Variants in AIM2 observed in about 807,000 individuals in gnomAD.
AIM2 encodes the protein absent in melanoma 2, also known as interferon-inducible protein AIM2.
Under a neutral mutation model 27.7 loss-of-function variants are expected in AIM2, and 30 were observed. That is an observed-to-expected ratio of 1.08 (90% CI 0.81 to 1.47). AIM2 has a LOEUF of 1.47. Ranked by LOEUF, AIM2 falls within the 40% of genes most tolerant of loss-of-function variation. The pLI is 0.00. For missense variants in AIM2, 358 were observed against 411.3 expected, an observed-to-expected ratio of 0.87 and a Z score of 1.12; for synonymous variants, 141 against 145.3, an observed-to-expected ratio of 0.97 and a Z score of 0.21.
At chr1:159,105,468 G>A (rs770764557) in intron 1 of AIM2, among the ~76,000 whole-genome samples, 11 of 152,268 alleles carry the variant, frequency 7.2e-5, no homozygotes, top group South Asian at 4.1e-4. Context: ...ACCATTCAGC[G>A]GTCCTGAATT....
intron 1 of AIM2, among the ~76,000 whole-genome samples, chr1:159,112,580 C>T (rs12068892): frequency 0.059 from 8,930 of 152,124 alleles, 841 homozygotes; most frequent in African/African-American, 0.2. Flanking sequence ...TTTGATCTGA[C>T]GGAATACTTA....
intron 2 of AIM2, among the ~76,000 whole-genome samples, chr1:159,072,812 G>A (rs944935411): frequency 1.3e-5 from 2 of 152,156 alleles, no homozygotes; most frequent in Non-Finnish European, 2.9e-5. Flanking sequence ...GAAAAAAGGT[G>A]CTCAATATCC....
intron 1 of AIM2, among the ~76,000 whole-genome samples, chr1:159,109,741 G>T (rs1657526326): frequency 6.6e-6 from 1 of 151,986 alleles, no homozygotes; most frequent in Non-Finnish European, 1.5e-5. Flanking sequence ...CAAAAAGTGG[G>T]ATAAGGATAT....
At chr1:159,074,382 T>C (rs1281746898) in intron 1 of AIM2, among the ~76,000 whole-genome samples, 1 of 152,184 alleles carries the variant, frequency 6.6e-6, no homozygotes, top group East Asian at 1.9e-4. Context: ...GATTCAAAGT[T>C]CATTTATTTT....
chr1:159,114,202 A>G (rs765643952), intron 1 of AIM2, among the ~76,000 whole-genome samples: 21 of 151,774 alleles, frequency 1.4e-4, no homozygotes, highest in Non-Finnish European at 2.8e-4. Flanking sequence ...CACCCCAAAC[A>G]GTATAAGGGA....
chr1:159,124,494 A>G (rs1220106324), intron 1 of AIM2, among the ~76,000 whole-genome samples: 1 of 152,180 alleles, frequency 6.6e-6, no homozygotes, highest in Non-Finnish European at 1.5e-5. Context: ...GTACTCTGTA[A>G]TCTTTACTAT....
At chr1:159,080,823 T>C (rs1002277748), upstream of AIM2, among the ~76,000 whole-genome samples, 7 of 152,166 alleles carry the variant, frequency 4.6e-5, no homozygotes, top group South Asian at 2.1e-4. Flanking sequence ...AAACTTTAAA[T>C]CTTCAGACTC....
chr1:159,073,664 A>G (rs897947329), intron 1 of AIM2, 145 bp from the exon 2 acceptor site: 3 of 766,478 alleles, frequency 3.9e-6, no homozygotes, highest in Non-Finnish European at 6.1e-6. Context: ...ATAGGTAAGA[A>G]CTTCTTAAGC....
upstream of AIM2, among the ~76,000 whole-genome samples, chr1:159,143,227 A>C (rs1451341754): frequency 2.0e-5 from 3 of 152,170 alleles, no homozygotes; most frequent in Non-Finnish European, 2.9e-5. Flanking sequence ...GAACATAACC[A>C]AGGCAATTCA....
chr1:159,108,126 C>T (rs1242886316), intron 1 of AIM2, among the ~76,000 whole-genome samples: 2 of 152,060 alleles, frequency 1.3e-5, no homozygotes. Context: ...ACCCAATATC[C>T]CCAATGAAAT....
At chr1:159,064,334 C>A (rs1655983212) in intron 4 of AIM2, among the ~76,000 whole-genome samples, 1 of 152,198 alleles carries the variant, frequency 6.6e-6, no homozygotes, top group African/African-American at 2.4e-5. Flanking sequence ...AATTCCCTTC[C>A]TTTAGGAGGA....
At chr1:159,089,097 CT>C (rs1330254212) in intron 1 of AIM2, among the ~76,000 whole-genome samples, 8 of 152,126 alleles carry the variant, frequency 5.3e-5, no homozygotes, top group Non-Finnish European at 1.0e-4. Flanking sequence ...CTTAAGAAAA[CT>C]TGGTTAAGGA....
At chr1:159,058,364 AAAG>A (rs1655721739), downstream of AIM2, among the ~76,000 whole-genome samples, 2 of 151,256 alleles carry the variant, frequency 1.3e-5, no homozygotes, top group African/African-American at 4.9e-5. Context: ...AAAAAAAAAA[AAAG>A]GAGTGGGGGA....
chr1:159,073,256 G>A lies in AIM2; in HGVS notation c.244C>T (p.Gln82Ter), dbSNP rs370997800. 45 of 1,614,048 alleles carry A rather than the reference G, an allele frequency of 2.8e-5. No individual in the cohort carries two copies. The highest frequency in any genetic ancestry group is 3.6e-5 in the Non-Finnish European group (43 of 1,180,030). The change falls in exon 2 of 6, where the codon CAG becomes TAG. Residue 82 changes from glutamine (Q) to a stop codon, truncating the protein, a stop_gained. Coordinates refer to ENST00000368130, the MANE Select transcript of AIM2 (RefSeq NM_004833.3). LOFTEE classifies it high-confidence loss of function. ...ACATTACCTTTCTCCTTCTCCTCCT[G>A]AAGACGTTTTGCCAAAAGCATATAA... ...LNYMLLAKRL[Q>*]EEKEKVDKQY...
intron 1 of AIM2, among the ~76,000 whole-genome samples, chr1:159,073,936 G>A (rs1045176523): frequency 6.6e-6 from 1 of 152,142 alleles, no homozygotes; most frequent in Non-Finnish European, 1.5e-5. Flanking sequence ...CTACTCAGGA[G>A]GCTGAGGCAG....
At chr1:159,061,553 C>T (rs528099388), downstream of AIM2, among the ~76,000 whole-genome samples, 28 of 145,512 alleles carry the variant, frequency 1.9e-4, no homozygotes, top group Non-Finnish European at 3.7e-4. Flanking sequence ...CCACCGTGCC[C>T]GGCTATTTTT....
chr1:159,073,884 C>G (rs1656481404), intron 1 of AIM2, among the ~76,000 whole-genome samples: 1 of 152,050 alleles, frequency 6.6e-6, no homozygotes, highest in South Asian at 2.1e-4. Context: ...ACTAAAAGTA[C>G]AAAAATTAGC....
chr1:159,090,714 T>G (rs978439874), intron 1 of AIM2, among the ~76,000 whole-genome samples: 1 of 152,236 alleles, frequency 6.6e-6, no homozygotes, highest in African/African-American at 2.4e-5. Context: ...TTGTCTAGTC[T>G]CCTGACATGG....
chr1:159,076,233 TAAC>T (rs971714998), intron 1 of AIM2, among the ~76,000 whole-genome samples: 1 of 152,228 alleles, frequency 6.6e-6, no homozygotes, highest in African/African-American at 2.4e-5. Context: ...TCTTATATAA[TAAC>T]AATCACATTT....
Sources: allele counts gnomAD v4.1 joint callset (sites outside exome capture counted in the v4.1 genomes callset), GRCh38; gene constraint gnomAD v4.1.1; transcripts MANE v1.5; gene names NCBI Gene and HGNC (gene_info 2026-07-23, HGNC 2026-07-21).